Variants in CAV1 observed in about 807,000 individuals in gnomAD.
CAV1 encodes caveolin-1.
In CAV1, 10 loss-of-function variants were observed where a neutral mutation model predicts 16.5. That is an observed-to-expected ratio of 0.61 (90% CI 0.37 to 1.03). The LOEUF is 1.03. Among genes scored for constraint, CAV1 ranks in the 50% least tolerant of loss-of-function variants. The pLI, the probability that CAV1 is intolerant of heterozygous loss-of-function variation, is 0.01. For synonymous variants in CAV1, 76 were observed against 85.1 expected (o/e 0.89, Z 0.59); for missense variants, 212 against 232.8 (o/e 0.91, Z 0.58).
chr7:116,526,281 G>A, intron 1 of CAV1: 1 of 1,287,600 alleles, frequency 7.8e-7, no homozygotes. Flanking sequence ...GGGGGAGGCA[G>A]GCGCGCCCTG....
intron 2 of CAV1, among the ~76,000 whole-genome samples, chr7:116,539,449 G>A (rs1407393471): frequency 1.3e-5 from 2 of 152,072 alleles, no homozygotes; most frequent in Admixed American, 6.5e-5. Flanking sequence ...GTAAGTTAAT[G>A]TGTGCTTTGA....
chr7:116,555,803 G>T (rs1293550680), intron 2 of CAV1, among the ~76,000 whole-genome samples: 1 of 152,040 alleles, frequency 6.6e-6, no homozygotes, highest in African/African-American at 2.4e-5. Flanking sequence ...ATTATCTCAT[G>T]TACTCCTCTA....
Position 116,556,728 on chromosome 7 carries a change from C to G in CAV1, c.196-2218C>G, listed in dbSNP as rs1256437674. Among the ~76,000 whole-genome samples, 3 of 152,226 alleles carry G rather than the reference C, an allele frequency of 2.0e-5. No individual in the cohort carries two copies. The East Asian group carries it at 5.8e-4, about 29-fold the overall frequency. On this transcript the variant is annotated intron_variant, in intron 2 of 2. Coordinates refer to ENST00000341049, the MANE Select transcript of CAV1 (RefSeq NM_001753.5). ...TGCTCCCGGTAAATTGCTTCCTAAC[C>G]TTCTTTGGTAATAGACTATTTTTTA...
chr7:116,555,562 A>C (rs1383694199), intron 2 of CAV1, among the ~76,000 whole-genome samples: 1 of 81,396 alleles, frequency 1.2e-5, no homozygotes, highest in African/African-American at 5.1e-5. Flanking sequence ...GAAAGAAAGA[A>C]AGAAAGAAAG....
chr7:116,547,435 T>G (rs1327646283), intron 2 of CAV1, among the ~76,000 whole-genome samples: 1 of 152,130 alleles, frequency 6.6e-6, no homozygotes, highest in Non-Finnish European at 1.5e-5. Flanking sequence ...GAAAAGGAAT[T>G]AATCCAAAGC....
chr7:116,555,483 GA>G (rs754338138), intron 2 of CAV1, among the ~76,000 whole-genome samples: 1 of 15,384 alleles, frequency 6.5e-5, no homozygotes, highest in African/African-American at 2.3e-4. Context: ...AAGGAGGAAA[GA>G]AAAGAAAGAA....
At position 116,526,479 on chromosome 7, in the gene CAV1, G is replaced by A. The variant is rs754281619; in HGVS notation, c.31-46G>A. 3 of 1,612,492 alleles carry A rather than the reference G, an allele frequency of 1.9e-6. No individual in the cohort carries two copies. In the South Asian group the frequency reaches 3.3e-5, roughly 18 times the overall value. On this transcript the variant is annotated intron_variant, in intron 1 of 2. Coordinates refer to ENST00000341049, the MANE Select transcript of CAV1 (RefSeq NM_001753.5). Reference sequence around the variant, plus strand: ...TTTTTGCATTTTTCCTCCCACCGCCGTTGCCGCCCTCCCCGTCCTGGCCGT... The same window carrying A: ...TTTTTGCATTTTTCCTCCCACCGCCATTGCCGCCCTCCCCGTCCTGGCCGT...
chr7:116,533,613 G>A lies in CAV1; in HGVS notation c.195+6924G>A, dbSNP rs369054856. 5.9e-5 allele frequency among the ~76,000 whole-genome samples: 9 copies of A among 152,072 alleles called. No individual in the cohort carries two copies. The East Asian group carries it at 7.8e-4, about 13-fold the overall frequency. On this transcript the variant is annotated intron_variant, in intron 2 of 2. Coordinates refer to ENST00000341049, the MANE Select transcript of CAV1 (RefSeq NM_001753.5). ...ACCACAGGGATGTGCCACAATTCCC[G>A]GCTAATTGTTTTAGCCAGGATATAA...
intron 2 of CAV1, among the ~76,000 whole-genome samples, chr7:116,552,746 A>G (rs769655118): frequency 1.3e-5 from 2 of 152,186 alleles, no homozygotes; most frequent in Non-Finnish European, 2.9e-5. Flanking sequence ...GCTTCCCTGG[A>G]AGTCCCCTCT....
intron 2 of CAV1, among the ~76,000 whole-genome samples, chr7:116,555,570 AAG>A (rs1287334434): frequency 1.1e-5 from 1 of 93,236 alleles, no homozygotes; most frequent in Non-Finnish European, 2.2e-5. Flanking sequence ...GAAAGAAAGA[AAG>A]AAAGAAAGAA....
intron 2 of CAV1, among the ~76,000 whole-genome samples, chr7:116,546,571 CCT>C (rs1562834545): frequency 6.6e-6 from 1 of 151,784 alleles, no homozygotes; most frequent in Non-Finnish European, 1.5e-5. Context: ...GTGGCGGATG[CCT>C]GTAATCCCAG....
In CAV1 at chr7:116,526,706, A is replaced by G; in HGVS notation, c.195+17A>G. On this transcript the variant is annotated intron_variant, in intron 2 of 2. Coordinates refer to ENST00000341049, the MANE Select transcript of CAV1 (RefSeq NM_001753.5). ...GTGGTCAAGGTAAGCCAAGGCGACC[A>G]ACAGGGAAGGGCTGGGACAGCTCTC... is the stretch of plus-strand genomic sequence containing the variant. 1 of 1,613,974 alleles carries G rather than the reference A, an allele frequency of 6.2e-7. No homozygotes were observed. The highest frequency in any genetic ancestry group is 8.5e-7 in the Non-Finnish European group (1 of 1,179,996).
intron 2 of CAV1, among the ~76,000 whole-genome samples, chr7:116,540,835 G>A (rs1793920436): frequency 6.6e-6 from 1 of 152,144 alleles, no homozygotes; most frequent in Admixed American, 6.6e-5. Flanking sequence ...AAGATACCAG[G>A]ATAGAGCTGT....
At chr7:116,540,860 C>A in intron 2 of CAV1, among the ~76,000 whole-genome samples, 1 of 152,002 alleles carries the variant, frequency 6.6e-6, no homozygotes, top group East Asian at 1.9e-4. Flanking sequence ...TTTGTGGGAG[C>A]CTGTGATGTG....
chr7:116,540,768 T>C (rs1431934322), intron 2 of CAV1, among the ~76,000 whole-genome samples: 1 of 152,138 alleles, frequency 6.6e-6, no homozygotes, highest in Non-Finnish European at 1.5e-5. Flanking sequence ...GTTAAAAGAC[T>C]TGAAATAAAA....
At chr7:116,533,372 TA>T (rs1252858960) in intron 2 of CAV1, among the ~76,000 whole-genome samples, 2 of 93,500 alleles carry the variant, frequency 2.1e-5, no homozygotes, top group African/African-American at 7.7e-5. Context: ...TAAAATAAAA[TA>T]AAATAAAATA....
At chr7:116,548,978 G>A (rs898664877) in intron 2 of CAV1, among the ~76,000 whole-genome samples, 8 of 152,108 alleles carry the variant, frequency 5.3e-5, no homozygotes, top group Admixed American at 1.3e-4. Context: ...TGGAGATAAC[G>A]ATGTCCCTTG....
At position 116,533,323 on chromosome 7, in the gene CAV1, C is replaced by T. The variant is rs958830059; in HGVS notation, c.195+6634C>T. Among the ~76,000 whole-genome samples, 4 of 148,770 alleles carry T rather than the reference C, an allele frequency of 2.7e-5. No homozygotes were observed. In the Admixed American group the frequency reaches 2.7e-4, roughly 10 times the overall value. On this transcript the variant is annotated intron_variant, in intron 2 of 2. Transcript: ENST00000341049. ...ACTGCACTCCAGCCTGGTGACACAG[C>T]GAGACTCCGTCTCAAAAAATAAAAT...
At chr7:116,556,104 A>G (rs984719616) in intron 2 of CAV1, among the ~76,000 whole-genome samples, 8 of 152,252 alleles carry the variant, frequency 5.3e-5, no homozygotes, top group Non-Finnish European at 1.0e-4. Context: ...CTGAAAATGC[A>G]GTTTCACTGA....
Sources: allele counts gnomAD v4.1 joint callset (sites outside exome capture counted in the v4.1 genomes callset), GRCh38; gene constraint gnomAD v4.1.1; transcripts MANE v1.5; gene names NCBI Gene and HGNC (gene_info 2026-07-23, HGNC 2026-07-21).